The following ABCB1 variants were observed in gnomAD, a reference collection of about 807,000 sequenced individuals.
ABCB1 encodes ATP-dependent translocase ABCB1.
Under a neutral mutation model 142.0 loss-of-function variants are expected in ABCB1, and 69 were observed. The observed-to-expected ratio is 0.49, with a 90% confidence interval of 0.40 to 0.59. ABCB1 has a LOEUF of 0.59. Ranked by LOEUF, ABCB1 falls within the 20% of genes least tolerant of loss-of-function variation. The pLI, the probability that ABCB1 is intolerant of heterozygous loss-of-function variation, is 0.00. For missense variants in ABCB1, 1,326 were observed against 1,554.7 expected, an observed-to-expected ratio of 0.85 and a Z score of 2.47; for synonymous variants, 532 against 539.2, an observed-to-expected ratio of 0.99 and a Z score of 0.18.
chr7:87,530,639 T>C (rs2117126071), intron 21 of ABCB1, among the ~76,000 whole-genome samples: 2 of 151,238 alleles, frequency 1.3e-5, no homozygotes, highest in South Asian at 4.2e-4. Context: ...GGGAGGAGCA[T>C]GATAAAAAAA....
intron 7 of ABCB1, among the ~76,000 whole-genome samples, chr7:87,562,769 A>C (rs1374836004): frequency 6.6e-6 from 1 of 151,472 alleles, no homozygotes; most frequent in East Asian, 1.9e-4. Context: ...AAAAGAAAAA[A>C]AAAAAAAAAA....
intron 7 of ABCB1, among the ~76,000 whole-genome samples, chr7:87,563,926 T>C (rs1417816029): frequency 6.6e-6 from 1 of 152,100 alleles, no homozygotes; most frequent in Admixed American, 6.5e-5. Flanking sequence ...GAAAACTAAA[T>C]ACTGCATGTT....
Position 87,519,364 on chromosome 7 carries a change from C to A in ABCB1, c.2889G>T (p.Leu963Phe), listed in dbSNP as rs759050765. The change falls in exon 23 of 28, where the codon TTG (leucine) becomes TTT (phenylalanine). Residue 963 changes from leucine to phenylalanine, a missense_variant. Leu to Phe is a conservative substitution (Grantham distance 22). Coordinates refer to ENST00000622132, the MANE Select transcript of ABCB1 (RefSeq NM_001348946.2). Reference sequence around the variant, plus strand: ...CAAAGCTCATGAGTTTATGTGCCACCAAGTAGGCTCCAAACCGGAAACATC... The same window carrying A: ...CAAAGCTCATGAGTTTATGTGCCACAAAGTAGGCTCCAAACCGGAAACATC... ...YAGCFRFGAY[L>F]VAHKLMSFED... 3 of 1,614,078 alleles carry A rather than the reference C, an allele frequency of 1.9e-6. No homozygotes were observed. The highest frequency in any genetic ancestry group is 2.5e-6 in the Non-Finnish European group (3 of 1,179,984).
intron 24 of ABCB1, 117 bp downstream of exon 24, chr7:87,516,392 A>G: frequency 3.8e-6 from 5 of 1,307,134 alleles, no homozygotes; most frequent in Non-Finnish European, 5.5e-6. Flanking sequence ...TCTATGATCT[A>G]GGAAGTTTTA....
intron 9 of ABCB1, among the ~76,000 whole-genome samples, chr7:87,551,224 C>A (rs529048642): frequency 1.3e-4 from 20 of 152,090 alleles, no homozygotes; most frequent in African/African-American, 4.8e-4. Context: ...GGTCTCGCTA[C>A]GTGTCCCAGC....
chr7:87,641,656 C>G (rs891847439), intron 1 of ABCB1, among the ~76,000 whole-genome samples: 3 of 152,192 alleles, frequency 2.0e-5, no homozygotes, highest in African/African-American at 7.2e-5. Context: ...CTCTTTTACT[C>G]TGACACTAGA....
intron 1 of ABCB1, among the ~76,000 whole-genome samples, chr7:87,609,982 G>A (rs1277501370): frequency 6.6e-6 from 1 of 152,196 alleles, no homozygotes; most frequent in Non-Finnish European, 1.5e-5. Context: ...GCTAACGGTA[G>A]TGTAGAAACA....
chr7:87,584,419 T>A (rs1460545002), intron 4 of ABCB1, among the ~76,000 whole-genome samples: 1 of 152,194 alleles, frequency 6.6e-6, no homozygotes, highest in Admixed American at 6.5e-5. Context: ...TTTCAACATT[T>A]GACCACCTGA....
At chr7:87,706,680 A>C (rs1829621059) in intron 1 of ABCB1, among the ~76,000 whole-genome samples, 1 of 152,230 alleles carries the variant, frequency 6.6e-6, no homozygotes. Context: ...TCCTAGGTAT[A>C]GAGACTAAGC....
At chr7:87,610,232 C>CTTT (rs914468581) in intron 1 of ABCB1, among the ~76,000 whole-genome samples, 108 of 117,018 alleles carry the variant, frequency 9.2e-4, no homozygotes, top group African/African-American at 1.2e-3. Context: ...CTTTTTCTTT[C>CTTT]TTTTTTTTTT....
intron 3 of ABCB1, among the ~76,000 whole-genome samples, chr7:87,593,966 G>C (rs910832181): frequency 6.6e-6 from 1 of 152,280 alleles, no homozygotes; most frequent in South Asian, 2.1e-4. Context: ...CTGAAGCTGG[G>C]CTTCTTGGAA....
chr7:87,603,086 A>G (rs899919127), upstream of ABCB1: 3 of 152,204 alleles, frequency 2.0e-5, no homozygotes, highest in African/African-American at 7.2e-5. Flanking sequence ...CAACTTGTCT[A>G]TACTCTGACA....
chr7:87,644,747 C>A (rs1042921846), intron 1 of ABCB1, among the ~76,000 whole-genome samples: 2 of 150,960 alleles, frequency 1.3e-5, no homozygotes, highest in Non-Finnish European at 3.0e-5. Context: ...ACTACTTATT[C>A]TCTCTGTGTA....
intron 8 of ABCB1, 103 bp downstream of exon 8, chr7:87,561,160 C>A: frequency 7.2e-7 from 1 of 1,379,486 alleles, no homozygotes; most frequent in Non-Finnish European, 1.0e-6. Flanking sequence ...TTTAAGAAAA[C>A]ATATATATGG....
Position 87,520,284 on chromosome 7 carries a change from G to A in ABCB1, c.2786+492C>T, listed in dbSNP as rs550481740. Among the ~76,000 whole-genome samples, 18 of 152,036 alleles carry A rather than the reference G, an allele frequency of 1.2e-4. No individual in the cohort carries two copies. In the South Asian group the frequency reaches 3.7e-3, roughly 32 times the overall value. On this transcript the variant is annotated intron_variant, in intron 22 of 27. Transcript: ENST00000622132. ...AGCTTTCCTTTTATTATAAGAAACA[G>A]ACTCAGAAAGGTTGGGCTTGCTTAT...
At chr7:87,663,011 A>G (rs887208182) in intron 1 of ABCB1, among the ~76,000 whole-genome samples, 4 of 151,880 alleles carry the variant, frequency 2.6e-5, no homozygotes, top group Non-Finnish European at 5.9e-5. Flanking sequence ...AGCAATTATA[A>G]ATAATAGTAC....
chr7:87,504,189 ATG>A lies in ABCB1; in HGVS notation c.*52_*53del. 1 of 1,605,792 alleles carries A rather than the reference ATG, an allele frequency of 6.2e-7. No individual in the cohort carries two copies. On this transcript the variant is annotated 3_prime_UTR_variant, in exon 28 of 28. Coordinates refer to ENST00000622132, the MANE Select transcript of ABCB1 (RefSeq NM_001348946.2). ...AGTGTTTGCTTTTAACTTTGAATAAATGTCATATCTAAACAAATATTAAAAAG... is the reference window on the plus strand; with the variant it reads ...AGTGTTTGCTTTTAACTTTGAATAAATCATATCTAAACAAATATTAAAAAG...
chr7:87,636,837 C>T (rs926726491), intron 1 of ABCB1, among the ~76,000 whole-genome samples: 5 of 152,066 alleles, frequency 3.3e-5, no homozygotes, highest in Non-Finnish European at 7.4e-5. Flanking sequence ...TGAGGACATA[C>T]CTGAGACTGG....
At chr7:87,545,708 A>G (rs1360275371) in intron 15 of ABCB1, among the ~76,000 whole-genome samples, 155 bp downstream of exon 15, 1 of 152,226 alleles carries the variant, frequency 6.6e-6, no homozygotes, top group East Asian at 1.9e-4. Flanking sequence ...TCAAGAGAGA[A>G]AAAAAATCTT....
Sources: allele counts gnomAD v4.1 joint callset (sites outside exome capture counted in the v4.1 genomes callset), GRCh38; gene constraint gnomAD v4.1.1; transcripts MANE v1.5; gene names NCBI Gene and HGNC (gene_info 2026-07-23, HGNC 2026-07-21).